Variants in ARHGEF4 observed in about 807,000 individuals in gnomAD.
ARHGEF4 encodes the protein APC-stimulated guanine nucleotide exchange factor 1.
ARHGEF4 carries 119 observed loss-of-function variants against 162.0 expected under a neutral mutation model. The ratio of observed to expected loss-of-function variants is 0.73; its 90% CI spans 0.63 to 0.86. ARHGEF4 has a LOEUF of 0.86. ARHGEF4 is among the 40% of genes least tolerant of loss of function. The pLI, the probability that ARHGEF4 is intolerant of heterozygous loss-of-function variation, is 0.00. For missense variants in ARHGEF4, 2,488 were observed against 2,456.0 expected (o/e 1.01, Z -0.28); for synonymous variants, 1,014 against 979.9 (o/e 1.03, Z -0.65).
chr2:130,914,572 C>T lies in ARHGEF4; in HGVS notation c.626C>T (p.Ser209Phe), dbSNP rs72855761. 130,484 of 1,397,102 alleles carry T rather than the reference C, an allele frequency of 0.093. 6,888 individuals carry two copies. Among genetic ancestry groups the T allele is most frequent in the Non-Finnish European group, 0.11 (114,195 of 1,082,098 alleles). 86.5% of individuals were successfully genotyped at this position (1,397,102 alleles called of 1,614,324 possible). A position where few individuals can be genotyped will look rare whatever the true frequency, so the allele number is the denominator to read the frequency against. The change falls in exon 2 of 14, where the codon TCC becomes TTC. Residue 209 changes from serine (S) to phenylalanine (F), a missense_variant. Ser to Phe is a radical substitution (Grantham distance 155). Around this residue, in one of 6 missense-constraint regions of ARHGEF4, gnomAD observed 81 missense variants for 125.8 expected, o/e 0.64. Transcript: ENST00000409359. The stretch of plus-strand genomic sequence containing the variant: ...GCTGTTCAAGACCTCAGAGGGCTCT[C>T]CAGTGTTTCTCTTCAGAAATCCAGG... ...GVAVQDLRGL[S>F]SVSLQKSRSE... is the part of the protein sequence containing the mutation.
chr2:130,892,593 T>C (rs1195393097), intron 1 of ARHGEF4, among the ~76,000 whole-genome samples: 1 of 152,164 alleles, frequency 6.6e-6, no homozygotes, highest in Non-Finnish European at 1.5e-5. Flanking sequence ...CACAGCCCTT[T>C]CTAGTTCATT....
chr2:130,872,320 C>T (rs1358401653), intron 1 of ARHGEF4, among the ~76,000 whole-genome samples: 1 of 152,134 alleles, frequency 6.6e-6, no homozygotes, highest in Non-Finnish European at 1.5e-5. Context: ...GCAAAGCCTA[C>T]CCTGACTCCA....
At chr2:131,037,333 C>T (rs1690373484) in intron 5 of ARHGEF4, among the ~76,000 whole-genome samples, 1 of 152,232 alleles carries the variant, frequency 6.6e-6, no homozygotes, top group African/African-American at 2.4e-5. Flanking sequence ...CTTCAGTGCT[C>T]CAGTGGCCAG....
intron 4 of ARHGEF4, among the ~76,000 whole-genome samples, chr2:131,020,938 A>G (rs1357760483): frequency 1.3e-5 from 2 of 152,190 alleles, no homozygotes; most frequent in Non-Finnish European, 2.9e-5. Context: ...TCTGATGGCC[A>G]GTGATGATGA....
intron 4 of ARHGEF4, among the ~76,000 whole-genome samples, chr2:130,986,427 T>C (rs537382643): frequency 4.6e-4 from 70 of 152,282 alleles, no homozygotes; most frequent in African/African-American, 1.7e-3. Context: ...GGAGGCCTCC[T>C]TGTGGAGCTG....
At chr2:130,892,645 G>A (rs527586204) in intron 1 of ARHGEF4, among the ~76,000 whole-genome samples, 2 of 152,218 alleles carry the variant, frequency 1.3e-5, no homozygotes, top group Non-Finnish European at 2.9e-5. Context: ...CCTACTGGCA[G>A]GCTGAGGACT....
chr2:130,880,375 C>G (rs931024733), intron 1 of ARHGEF4, among the ~76,000 whole-genome samples: 1 of 152,142 alleles, frequency 6.6e-6, no homozygotes, highest in Non-Finnish European at 1.5e-5. Flanking sequence ...CCTCATATGC[C>G]CACAGCTTCA....
chr2:130,977,366 T>C (rs1277303901), intron 4 of ARHGEF4, among the ~76,000 whole-genome samples: 1 of 151,764 alleles, frequency 6.6e-6, no homozygotes, highest in South Asian at 2.1e-4. Flanking sequence ...GGTGCCTATA[T>C]TGTGTTGCGT....
At chr2:131,032,739 G>A (rs1024332972) in intron 5 of ARHGEF4, among the ~76,000 whole-genome samples, 1 of 151,554 alleles carries the variant, frequency 6.6e-6, no homozygotes, top group Non-Finnish European at 1.5e-5. Context: ...CCTCAGTCCT[G>A]CCACCAGCCT....
rs572597909 is a variant in ARHGEF4 at position 130,887,553 on chromosome 2, C to CT, written c.40-26426dup. On this transcript the variant is annotated intron_variant, in intron 1 of 13. Coordinates refer to ENST00000409359, the MANE Select transcript of ARHGEF4 (RefSeq NM_001367493.1). Reference sequence around the variant, plus strand: ...TCTGCAACATTCATCATGATACCGACTTTTTTTCATTCCTCTACTAGTTAC... The same window carrying CT: ...TCTGCAACATTCATCATGATACCGACTTTTTTTTCATTCCTCTACTAGTTAC... Among the ~76,000 whole-genome samples, 94 of 152,178 alleles carry CT rather than the reference C, an allele frequency of 6.2e-4. 4 individuals are homozygous for CT. The highest frequency in any genetic ancestry group is 2.2e-3 in the African/African-American group (92 of 41,440).
At chr2:130,937,669 ATTT>A (rs34020875) in intron 3 of ARHGEF4, among the ~76,000 whole-genome samples, 1 of 140,888 alleles carries the variant, frequency 7.1e-6, no homozygotes, top group Non-Finnish European at 1.5e-5. Flanking sequence ...TTGTATCATA[ATTT>A]TTTTTTTTTT....
chr2:130,961,169 C>T (rs1684600438), intron 4 of ARHGEF4, among the ~76,000 whole-genome samples: 2 of 152,252 alleles, frequency 1.3e-5, no homozygotes, highest in Non-Finnish European at 2.9e-5. Context: ...CCACGGGCTG[C>T]TTGCCCAGCA....
intron 4 of ARHGEF4, among the ~76,000 whole-genome samples, chr2:131,025,875 A>G (rs952578759): frequency 3.9e-5 from 6 of 152,162 alleles, no homozygotes; most frequent in Admixed American, 1.3e-4. Context: ...ATTTTCACCT[A>G]TGTTGGGCCC....
chr2:130,924,332 T>C (rs931485360), intron 2 of ARHGEF4, among the ~76,000 whole-genome samples: 1 of 150,332 alleles, frequency 6.7e-6, no homozygotes, highest in African/African-American at 2.5e-5. Context: ...AGTGGCATGA[T>C]CTCGGCTCAC....
chr2:131,000,376 G>C (rs1412956760), intron 4 of ARHGEF4, among the ~76,000 whole-genome samples: 1 of 152,168 alleles, frequency 6.6e-6, no homozygotes, highest in Non-Finnish European at 1.5e-5. Context: ...ATTTTCATAA[G>C]TGAGATGGGA....
chr2:130,916,282 G>C lies in ARHGEF4; in HGVS notation c.2336G>C (p.Arg779Pro). Residue 779 changes from arginine (R) to proline (P), a missense_variant, in exon 2 of 14, where the codon CGC (arginine) becomes CCC (proline). Arg to Pro is a moderately radical substitution (Grantham distance 103, BLOSUM62 -2). This residue lies in a region of ARHGEF4 where 1,642 missense variants were observed against 1,481.5 expected (regional missense o/e 1.11). Transcript: ENST00000409359. ...VPALEPPQPP[R>P]GLRKGAQEPG... Reference sequence around the variant, plus strand: ...GCCTTGGAGCCGCCCCAGCCGCCACGCGGGCTCCGCAAGGGCGCGCAGGAG... The same window carrying C: ...GCCTTGGAGCCGCCCCAGCCGCCACCCGGGCTCCGCAAGGGCGCGCAGGAG... 2 of 1,528,884 alleles carry C rather than the reference G, an allele frequency of 1.3e-6. No individual in the cohort carries two copies. The highest frequency in any genetic ancestry group is 1.8e-6 in the Non-Finnish European group (2 of 1,140,374). 94.7% of individuals were successfully genotyped at this position (1,528,884 alleles called of 1,614,324 possible).
chr2:130,900,683 T>C (rs1225990340), intron 1 of ARHGEF4, among the ~76,000 whole-genome samples: 2 of 152,208 alleles, frequency 1.3e-5, no homozygotes, highest in Non-Finnish European at 2.9e-5. Context: ...CTTCTCAGTG[T>C]TGGGATCAAT....
chr2:130,930,298 T>C (rs1350976105), intron 2 of ARHGEF4, among the ~76,000 whole-genome samples: 2 of 152,088 alleles, frequency 1.3e-5, no homozygotes, highest in Non-Finnish European at 2.9e-5. Flanking sequence ...GGGGTGGGCA[T>C]AGGGGATCGT....
chr2:130,922,330 C>T (rs1043418861), intron 2 of ARHGEF4, among the ~76,000 whole-genome samples: 3 of 151,506 alleles, frequency 2.0e-5, no homozygotes, highest in Non-Finnish European at 2.9e-5. Flanking sequence ...GAGATTGCAC[C>T]GTTGCACTCC....
Sources: gnomAD v4.1 joint callset for allele counts (sites outside exome capture counted in the v4.1 genomes callset) on GRCh38, gnomAD v4.1.1 for gene constraint, gnomAD v4.1.1 regional missense constraint, MANE v1.5 for transcripts, NCBI Gene and HGNC (gene_info 2026-07-23, HGNC 2026-07-21) for gene names.